Variants in DTWD1 observed in about 807,000 individuals in gnomAD.
The protein encoded by DTWD1 is DTW motif tRNA-uridine aminocarboxypropyltransferase 1.
Under a neutral mutation model 30.2 loss-of-function variants are expected in DTWD1, and 27 were observed. That is an observed-to-expected ratio of 0.90 (90% CI 0.66 to 1.23). The LOEUF (loss-of-function observed/expected upper bound fraction) is 1.23, where lower values mean the gene tolerates loss of function less well. DTWD1 is among the 50% of genes most tolerant of loss of function. The probability of loss-of-function intolerance (pLI) is 0.00; values close to 1 mark genes in which losing one functional copy is unlikely to be tolerated. For synonymous variants in DTWD1, 99 were observed against 113.1 expected (o/e 0.88, Z 0.79); for missense variants, 342 against 348.8 (o/e 0.98, Z 0.15).
At chr15:49,628,566 C>A (rs1006296245) in intron 2 of DTWD1, among the ~76,000 whole-genome samples, 19 of 152,154 alleles carry the variant, frequency 1.2e-4, no homozygotes, top group African/African-American at 4.3e-4. Context: ...AAAAGGCTCT[C>A]TTGGGGAAAG....
chr15:49,642,837 G>A (rs1272630745), intron 4 of DTWD1, among the ~76,000 whole-genome samples: 1 of 152,132 alleles, frequency 6.6e-6, no homozygotes, highest in Non-Finnish European at 1.5e-5. Context: ...TGAGATGGGA[G>A]GATCACTGAG....
intron 2 of DTWD1, 149 bp downstream of exon 2, chr15:49,625,580 G>A (rs889003414): frequency 4.6e-6 from 4 of 867,854 alleles, no homozygotes; most frequent in African/African-American, 1.7e-5. Context: ...CTAGCACTTA[G>A]ACAGAAAATT....
intron 3 of DTWD1, among the ~76,000 whole-genome samples, chr15:49,633,049 C>CTATATATATATATATATAGATA (rs2078948559): frequency 8.5e-6 from 1 of 117,316 alleles, no homozygotes; most frequent in Non-Finnish European, 1.7e-5. Flanking sequence ...ATATCTATAT[C>CTATATATATATATATATAGATA]TATATATATA....
intron 2 of DTWD1, chr15:49,630,870 G>C (rs1316909529): frequency 4.1e-6 from 1 of 246,464 alleles, no homozygotes; most frequent in Non-Finnish European, 8.7e-6. Context: ...CCTCCTGTCA[G>C]ATCAGCGGCA....
chr15:49,634,447 A>G (rs764779911), intron 3 of DTWD1, 89 bp from the exon 4 acceptor site: 13 of 1,386,688 alleles, frequency 9.4e-6, no homozygotes, highest in Non-Finnish European at 1.1e-5. Context: ...GATATTCAAC[A>G]TATCTTTCTT....
intron 1 of DTWD1, among the ~76,000 whole-genome samples, chr15:49,624,081 G>A (rs2078806911): frequency 6.7e-6 from 1 of 148,630 alleles, no homozygotes; most frequent in South Asian, 2.3e-4. Context: ...AAATTCATTT[G>A]ATGAGTAATT....
chr15:49,628,401 T>C (rs1455538520), intron 2 of DTWD1, among the ~76,000 whole-genome samples: 1 of 152,240 alleles, frequency 6.6e-6, no homozygotes, highest in Non-Finnish European at 1.5e-5. Flanking sequence ...ATATTATCAT[T>C]ATTAAACATT....
Position 49,634,597 on chromosome 15 carries a change from A to G in DTWD1, c.470A>G (p.Gln157Arg). The G allele has an allele frequency of 6.2e-7, 1 of 1,613,540 alleles. No homozygotes were observed. The highest frequency in any genetic ancestry group is 8.5e-7 in the Non-Finnish European group (1 of 1,179,740). Reference sequence around the variant, plus strand: ...ATAAAAGATATTTCTTTTCATCTGCAAAAAAGGATTCAAAATAATGTTAGA... The same window carrying G: ...ATAAAAGATATTTCTTTTCATCTGCGAAAAAGGATTCAAAATAATGTTAGA... ...ISIKDISFHL[Q>R]KRIQNNVRGK... The change falls in exon 4 of 5, where the codon CAA becomes CGA. Residue 157 changes from glutamine to arginine, a missense_variant. Gln to Arg is a conservative substitution (Grantham distance 43, BLOSUM62 1). Coordinates refer to ENST00000403028, the MANE Select transcript of DTWD1 (RefSeq NM_001144955.2).
intron 3 of DTWD1, among the ~76,000 whole-genome samples, chr15:49,633,869 G>A (rs950180432): frequency 3.3e-5 from 5 of 152,030 alleles, no homozygotes; most frequent in South Asian, 2.1e-4. Flanking sequence ...AAAAATGTGC[G>A]GAAAGAAAAG....
intron 2 of DTWD1, among the ~76,000 whole-genome samples, chr15:49,625,866 CAG>C (rs1275074091): frequency 6.6e-6 from 1 of 151,782 alleles, no homozygotes; most frequent in Non-Finnish European, 1.5e-5. Flanking sequence ...TTGGCCATGT[CAG>C]GGCACAACAA....
Position 49,643,658 on chromosome 15 carries a change from T to A in DTWD1, c.*80T>A. The stretch of plus-strand genomic sequence containing the variant: ...TTGTGCTTTGTTTTTTCTTAAGAAA[T>A]AATCATATATAATGCCTGTAAGACC... On this transcript the variant is annotated 3_prime_UTR_variant, in exon 5 of 5. Coordinates refer to ENST00000403028, the MANE Select transcript of DTWD1 (RefSeq NM_001144955.2). 1 of 1,414,642 alleles carries A rather than the reference T, an allele frequency of 7.1e-7. No individual in the cohort carries two copies. Among genetic ancestry groups the A allele is most frequent in the Non-Finnish European group, 9.5e-7 (1 of 1,051,820 alleles). The allele number at this position is 1,414,642 out of a possible 1,614,324, so 87.6% of individuals were successfully genotyped here.
chr15:49,643,302 CTTTCTTTTTTTTTTTT>C lies in DTWD1; in HGVS notation c.668-25_668-10del. On this transcript the variant is annotated splice_polypyrimidine_tract_variant and intron_variant, in intron 4 of 4. Coordinates refer to ENST00000403028, the MANE Select transcript of DTWD1 (RefSeq NM_001144955.2). ...AAATATTTATATTTTTTCTTTCTTT[CTTTCTTTTTTTTTTTT>C]TTTTTTTGACAGGGTTGTTACAAGT... 8.3e-7 allele frequency: 1 copy of C among 1,199,952 alleles called. No individual in the cohort carries two copies. Among genetic ancestry groups the C allele is most frequent in the Non-Finnish European group, 1.1e-6 (1 of 914,032 alleles). 74.3% of individuals were successfully genotyped at this position (1,199,952 alleles called of 1,614,324 possible). A position where few individuals can be genotyped will look rare whatever the true frequency, so the allele number is the denominator to read the frequency against.
rs2079100366 is a variant in DTWD1 at position 49,644,367 on chromosome 15, A to T, written c.*789A>T. On this transcript the variant is annotated 3_prime_UTR_variant, in exon 5 of 5. Transcript: ENST00000403028. Reference sequence around the variant, plus strand: ...GGTGAAAAGAGCCTGACTTAGAATGAAGTCAGCGAAGGAAAGCAGAGTGGA... The same window carrying T: ...GGTGAAAAGAGCCTGACTTAGAATGTAGTCAGCGAAGGAAAGCAGAGTGGA... 6.6e-6 allele frequency: 1 copy of T among 152,156 alleles called. No individual in the cohort carries two copies. The highest frequency in any genetic ancestry group is 2.4e-5 in the African/African-American group (1 of 41,416). 9.4% of individuals were successfully genotyped at this position (152,156 alleles called of 1,614,324 possible).
At chr15:49,636,404 A>G (rs1187023185) in intron 4 of DTWD1, among the ~76,000 whole-genome samples, 3 of 152,190 alleles carry the variant, frequency 2.0e-5, no homozygotes, top group Non-Finnish European at 2.9e-5. Context: ...AAATTACATA[A>G]TATCATCTAA....
chr15:49,640,986 G>A lies in DTWD1; in HGVS notation c.668-2345G>A, dbSNP rs1321431652. On this transcript the variant is annotated intron_variant, in intron 4 of 4. Coordinates refer to ENST00000403028, the MANE Select transcript of DTWD1 (RefSeq NM_001144955.2). ...GCCTGAGGTTTTTTGTATTTTCTGT[G>A]TAAGTAATGCCAATTGCATTTCTTT... 2.0e-5 allele frequency among the ~76,000 whole-genome samples: 3 copies of A among 151,982 alleles called. No homozygotes were observed. The East Asian group carries it at 5.8e-4, about 29-fold the overall frequency.
chr15:49,635,887 A>G (rs1258648651), intron 4 of DTWD1, among the ~76,000 whole-genome samples: 5 of 152,182 alleles, frequency 3.3e-5, no homozygotes, highest in African/African-American at 1.2e-4. Flanking sequence ...TCATATGTGT[A>G]CAGCTGTGAG....
intron 3 of DTWD1, among the ~76,000 whole-genome samples, chr15:49,633,043 C>CTATATATATCTATATA (rs368196512): frequency 7.7e-6 from 1 of 129,492 alleles, no homozygotes; most frequent in Non-Finnish European, 1.6e-5. Flanking sequence ...CTATTTATAT[C>CTATATATATCTATATA]TATATCTATA....
Position 49,652,976 on chromosome 15 carries a change from G to T in DTWD1, c.*9398G>T, listed in dbSNP as rs2079161155. ...ATGTAGCTGCCAAAGTTACCTTAATGCCCATGGGAAGCAAAAAATCAAAGA... is the reference window on the plus strand; with the variant it reads ...ATGTAGCTGCCAAAGTTACCTTAATTCCCATGGGAAGCAAAAAATCAAAGA... On this transcript the variant is annotated 3_prime_UTR_variant, in exon 5 of 5. Coordinates refer to ENST00000403028, the MANE Select transcript of DTWD1 (RefSeq NM_001144955.2). The T allele has an allele frequency of 6.6e-6, 1 of 152,090 alleles. No individual in the cohort carries two copies. Among genetic ancestry groups the T allele is most frequent in the African/African-American group, 2.4e-5 (1 of 41,420 alleles). The allele number at this position is 152,090 out of a possible 1,614,324, so 9.4% of individuals were successfully genotyped here.
chr15:49,647,370 G>A lies in DTWD1; in HGVS notation c.*3792G>A, dbSNP rs2079126477. 1 of 152,020 alleles carries A rather than the reference G, an allele frequency of 6.6e-6. No homozygotes were observed. The highest frequency in any genetic ancestry group is 2.4e-5 in the African/African-American group (1 of 41,410). The allele number at this position is 152,020 out of a possible 1,614,324, so 9.4% of individuals were successfully genotyped here. A position where few individuals can be genotyped will look rare whatever the true frequency, so the allele number is the denominator to read the frequency against. On this transcript the variant is annotated 3_prime_UTR_variant, in exon 5 of 5. Coordinates refer to ENST00000403028, the MANE Select transcript of DTWD1 (RefSeq NM_001144955.2). ...AGAAACAATTTTATTTTCTAGTTCT[G>A]CATATCCTAGGTTATGTATTTCATT... is the stretch of plus-strand genomic sequence containing the variant.
Sources: allele counts gnomAD v4.1 joint callset (sites outside exome capture counted in the v4.1 genomes callset), GRCh38; gene constraint gnomAD v4.1.1; transcripts MANE v1.5; gene names NCBI Gene and HGNC (gene_info 2026-07-23, HGNC 2026-07-21).